The following ZCCHC7 variants were observed in gnomAD, a reference collection of about 807,000 sequenced individuals.
ZCCHC7 encodes the protein zinc finger CCHC domain-containing protein 7.
Under a neutral mutation model 52.0 loss-of-function variants are expected in ZCCHC7, and 35 were observed. That is an observed-to-expected ratio of 0.67 (90% CI 0.51 to 0.89). The LOEUF is 0.89. ZCCHC7 is among the 40% of genes least tolerant of loss of function. The probability of loss-of-function intolerance (pLI) is 0.00; values close to 1 mark genes in which losing one functional copy is unlikely to be tolerated. For synonymous variants in ZCCHC7, 217 were observed against 221.5 expected (o/e 0.98, Z 0.18); for missense variants, 574 against 649.1 (o/e 0.88, Z 1.26).
intron 2 of ZCCHC7, among the ~76,000 whole-genome samples, chr9:37,239,908 T>A (rs1349139882): frequency 6.6e-6 from 1 of 152,088 alleles, no homozygotes; most frequent in African/African-American, 2.4e-5. Flanking sequence ...TCTTTTAATA[T>A]CAATATTGAA....
intron 2 of ZCCHC7, among the ~76,000 whole-genome samples, chr9:37,143,421 T>C (rs1843313462): frequency 6.6e-6 from 1 of 151,754 alleles, no homozygotes; most frequent in African/African-American, 2.4e-5. Context: ...ATTAGAGTTT[T>C]AAATTGGGAT....
chr9:37,214,507 CAA>C (rs1161852700), intron 2 of ZCCHC7, among the ~76,000 whole-genome samples: 2 of 151,982 alleles, frequency 1.3e-5, no homozygotes, highest in East Asian at 3.8e-4. Flanking sequence ...TCTTAACTAA[CAA>C]TATGATTTTT....
chr9:37,164,574 A>G (rs1382921546), intron 2 of ZCCHC7, among the ~76,000 whole-genome samples: 1 of 151,936 alleles, frequency 6.6e-6, no homozygotes, highest in Non-Finnish European at 1.5e-5. Context: ...GAAAAGAGAG[A>G]AGAGAAAGAA....
At chr9:37,261,727 C>T (rs957080178) in intron 2 of ZCCHC7, among the ~76,000 whole-genome samples, 1 of 152,124 alleles carries the variant, frequency 6.6e-6, no homozygotes, top group African/African-American at 2.4e-5. Context: ...AGTGAAATTC[C>T]GTAATTAAGC....
At chr9:37,338,600 G>A (rs1473751140) in intron 6 of ZCCHC7, among the ~76,000 whole-genome samples, 2 of 152,060 alleles carry the variant, frequency 1.3e-5, no homozygotes, top group Non-Finnish European at 2.9e-5. Context: ...AGCAACACAC[G>A]TTATTCTGCA....
At chr9:37,292,657 A>G (rs1367936063) in intron 2 of ZCCHC7, among the ~76,000 whole-genome samples, 2 of 152,210 alleles carry the variant, frequency 1.3e-5, no homozygotes, top group Non-Finnish European at 2.9e-5. Context: ...TCAAGTAAAT[A>G]CCAAAAGAAA....
rs529686818 is a variant in ZCCHC7, at chr9:37,332,841, A to G, written c.987+5007A>G. The stretch of plus-strand genomic sequence containing the variant: ...AATGAATGTTGTGAATTATAAATGC[A>G]TGTTATTTTTCCTCACATAACATTT... On this transcript the variant is annotated intron_variant, in intron 6 of 8. Coordinates refer to ENST00000336755, the MANE Select transcript of ZCCHC7 (RefSeq NM_032226.3). Among the ~76,000 whole-genome samples, 25 of 151,756 alleles carry G rather than the reference A, an allele frequency of 1.6e-4. No individual in the cohort carries two copies. The South Asian group carries it at 5.2e-3, about 31-fold the overall frequency.
intron 6 of ZCCHC7, among the ~76,000 whole-genome samples, chr9:37,329,882 C>T (rs1588679839): frequency 6.6e-6 from 1 of 151,880 alleles, no homozygotes; most frequent in East Asian, 1.9e-4. Flanking sequence ...TTCATTTAAA[C>T]CAGTCTGCTT....
Position 37,319,655 on chromosome 9 carries a change from G to T in ZCCHC7, c.952-8144G>T, listed in dbSNP as rs117899735. Among the ~76,000 whole-genome samples the T allele has an allele frequency of 1.2e-3, 187 of 152,028 alleles. 1 individual carries two copies. The highest frequency in any genetic ancestry group is 9.4e-3 in the Admixed American group (143 of 15,264). On this transcript the variant is annotated intron_variant, in intron 5 of 8. Coordinates refer to ENST00000336755, the MANE Select transcript of ZCCHC7 (RefSeq NM_032226.3). ...TGCCCAGGCTGGTCTTGAACTCCTG[G>T]ACTCAAGCGATCTGCCTACCTTGGC... is the stretch of plus-strand genomic sequence containing the variant.
At chr9:37,120,694 C>T (rs1045953307) in intron 1 of ZCCHC7, 71 bp downstream of exon 1, 28 of 373,786 alleles carry the variant, frequency 7.5e-5, no homozygotes, top group Non-Finnish European at 1.2e-4. Context: ...TCTTGCCCGC[C>T]GGGCTGTGGA....
chr9:37,288,795 C>T lies in ZCCHC7; in HGVS notation c.611-13393C>T, dbSNP rs186183508. Reference sequence around the variant, plus strand: ...CTGACCTATTCCCCCACCAAGTTTCCTCTCACCTCACTGGTTACTCCTAAA... The same window carrying T: ...CTGACCTATTCCCCCACCAAGTTTCTTCTCACCTCACTGGTTACTCCTAAA... On this transcript the variant is annotated intron_variant, in intron 2 of 8. Transcript: ENST00000336755. 6.6e-4 allele frequency among the ~76,000 whole-genome samples: 100 copies of T among 152,206 alleles called. No homozygotes were observed. In the East Asian group the frequency reaches 0.019, roughly 28 times the overall value.
chr9:37,303,715 G>T (rs1404898930), intron 3 of ZCCHC7, among the ~76,000 whole-genome samples: 1 of 134,530 alleles, frequency 7.4e-6, no homozygotes, highest in Non-Finnish European at 1.5e-5. Context: ...CCAGGCTGGA[G>T]TACAATGGCA....
chr9:37,243,291 A>G (rs1825951480), intron 2 of ZCCHC7, among the ~76,000 whole-genome samples: 1 of 151,848 alleles, frequency 6.6e-6, no homozygotes, highest in African/African-American at 2.4e-5. Context: ...CAGATTTTAA[A>G]TATTTAGTAA....
intron 2 of ZCCHC7, among the ~76,000 whole-genome samples, chr9:37,206,693 A>C (rs907157135): frequency 6.6e-6 from 1 of 152,118 alleles, no homozygotes; most frequent in South Asian, 2.1e-4. Flanking sequence ...TTTTCTCTGG[A>C]AATTGCAGCG....
intron 2 of ZCCHC7, among the ~76,000 whole-genome samples, chr9:37,135,620 T>G (rs984285537): frequency 6.6e-6 from 1 of 152,188 alleles, no homozygotes; most frequent in African/African-American, 2.4e-5. Context: ...CCTAACAAAT[T>G]GTAGGTAAAT....
intron 2 of ZCCHC7, among the ~76,000 whole-genome samples, chr9:37,242,092 T>C (rs1343300143): frequency 6.6e-6 from 1 of 151,844 alleles, no homozygotes; most frequent in Non-Finnish European, 1.5e-5. Context: ...GCTTTTGTTA[T>C]AGGGGTAGGT....
intron 2 of ZCCHC7, among the ~76,000 whole-genome samples, chr9:37,280,006 T>C (rs975356056): frequency 6.6e-6 from 1 of 151,886 alleles, no homozygotes; most frequent in Non-Finnish European, 1.5e-5. Context: ...TACAAAAAAT[T>C]AGCCGGTCCT....
intron 2 of ZCCHC7, among the ~76,000 whole-genome samples, chr9:37,130,235 C>CA (rs33929421): frequency 0.025 from 2,585 of 104,232 alleles, 38 homozygotes; most frequent in Non-Finnish European, 0.031. Flanking sequence ...GAGACTGTCT[C>CA]AAAAAAAAAA....
At chr9:37,236,723 T>G (rs923343739) in intron 2 of ZCCHC7, among the ~76,000 whole-genome samples, 2 of 152,150 alleles carry the variant, frequency 1.3e-5, no homozygotes, top group African/African-American at 4.8e-5. Context: ...TTCCTATGCA[T>G]AGCATACAGT....
Sources: gnomAD v4.1 joint callset for allele counts (sites outside exome capture counted in the v4.1 genomes callset) on GRCh38, gnomAD v4.1.1 for gene constraint, MANE v1.5 for transcripts, NCBI Gene and HGNC (gene_info 2026-07-23, HGNC 2026-07-21) for gene names.